The following OGDHL variants were observed in gnomAD, a reference collection of about 807,000 sequenced individuals.
The protein encoded by OGDHL is oxoglutarate dehydrogenase L.
In OGDHL, 79 loss-of-function variants were observed where a neutral mutation model predicts 109.6. The observed-to-expected ratio is 0.72, with a 90% CI of 0.60 to 0.87. OGDHL has a LOEUF of 0.87. Among genes scored for constraint, OGDHL ranks in the 40% least tolerant of loss-of-function variants. OGDHL has a pLI of 0.00. For synonymous variants in OGDHL, 528 were observed against 537.2 expected (o/e 0.98, Z 0.24); for missense variants, 1,275 against 1,362.2 (o/e 0.94, Z 1.01).
chr10:49,746,553 G>T (rs1260661740), intron 10 of OGDHL, among the ~76,000 whole-genome samples, 197 bp downstream of exon 10: 1 of 152,186 alleles, frequency 6.6e-6, no homozygotes. Context: ...GGTCCTTCCA[G>T]CCCTACTTAT....
At chr10:49,735,992 G>T in intron 22 of OGDHL, 31 bp downstream of exon 22, 1 of 1,541,352 alleles carries the variant, frequency 6.5e-7, no homozygotes, top group Non-Finnish European at 8.7e-7. Context: ...CAGGGCCGAG[G>T]TGAGGGGCAA....
intron 15 of OGDHL, among the ~76,000 whole-genome samples, chr10:49,742,395 C>T (rs200944530): frequency 1.4e-4 from 8 of 55,316 alleles, no homozygotes; most frequent in African/African-American, 1.8e-4. Flanking sequence ...CACACCCCCA[C>T]ACACACCACA....
intron 18 of OGDHL, 45 bp from the exon 19 acceptor site, chr10:49,738,117 C>T (rs1278485197): frequency 1.9e-6 from 3 of 1,613,958 alleles, no homozygotes; most frequent in South Asian, 1.1e-5. Flanking sequence ...GTCTGCTGCA[C>T]CCACACCCTG....
chr10:49,743,930 C>T, intron 14 of OGDHL, 64 bp downstream of exon 14: 2 of 1,572,702 alleles, frequency 1.3e-6, no homozygotes, highest in Non-Finnish European at 1.7e-6. Context: ...AACCAATCTC[C>T]CTTCGAGGCA....
chr10:49,750,965 C>G lies in OGDHL; in HGVS notation c.770G>C (p.Arg257Pro), dbSNP rs754809330. The G allele has an allele frequency of 1.2e-6, 2 of 1,606,328 alleles. No individual in the cohort carries two copies. The highest frequency in any genetic ancestry group is 1.7e-5 in the Admixed American group (1 of 59,544). Residue 257 changes from arginine (R) to proline (P), a missense_variant, in exon 7 of 23, where the codon CGG becomes CCG. By Grantham distance (103) the Arg-to-Pro change is moderately radical (BLOSUM62 -2). Coordinates refer to ENST00000374103, the MANE Select transcript of OGDHL (RefSeq NM_018245.3). ...AAACCGCTTCTCTGAGGACCATTTC[C>G]GGGCCAGGAAGTCTTCAAACCTGCT... ...RSMRFEDFLARKWSSEKRFGL... is the reference protein window; with the variant it reads ...RSMRFEDFLAPKWSSEKRFGL...
intron 1 of OGDHL, among the ~76,000 whole-genome samples, chr10:49,761,834 G>A (rs574739342): frequency 1.4e-4 from 22 of 152,322 alleles, no homozygotes; most frequent in African/African-American, 5.1e-4. Context: ...TTGGTAGTCC[G>A]AAGCTGCCTA....
chr10:49,760,603 T>C lies in OGDHL; in HGVS notation c.-2+1636A>G, dbSNP rs549729812. ...GATATCAAGACCATCGTCATGGGAA[T>C]AAACATAATAGGCACCGTCAGGAGC... On this transcript the variant is annotated intron_variant, in intron 1 of 22. Coordinates refer to ENST00000374103, the MANE Select transcript of OGDHL (RefSeq NM_018245.3). Among the ~76,000 whole-genome samples the C allele has an allele frequency of 4.6e-5, 7 of 152,358 alleles. No individual in the cohort carries two copies. The South Asian group carries it at 1.5e-3, about 32-fold the overall frequency.
intron 22 of OGDHL, 53 bp downstream of exon 22, chr10:49,735,970 A>T: frequency 6.6e-7 from 1 of 1,520,422 alleles, no homozygotes; most frequent in Non-Finnish European, 8.8e-7. Context: ...AGATGGAGCC[A>T]GGACAGAGCC....
At chr10:49,747,531 AC>A (rs1281833401) in intron 8 of OGDHL, among the ~76,000 whole-genome samples, 5 of 152,096 alleles carry the variant, frequency 3.3e-5, no homozygotes, top group Admixed American at 3.3e-4. Flanking sequence ...CAGCGCAGAG[AC>A]CCTCGGCCAG....
At chr10:49,745,690 C>G in intron 11 of OGDHL, 108 bp downstream of exon 11, 1 of 1,395,880 alleles carries the variant, frequency 7.2e-7, no homozygotes, top group Non-Finnish European at 9.8e-7. Flanking sequence ...ATCTCTCATC[C>G]AAGAAGCACT....
intron 10 of OGDHL, 93 bp downstream of exon 10, chr10:49,746,657 G>A: frequency 3.3e-6 from 5 of 1,521,074 alleles, no homozygotes; most frequent in East Asian, 2.3e-5. Flanking sequence ...AGTGGGCTCA[G>A]AGCCAGGAGC....
intron 1 of OGDHL, among the ~76,000 whole-genome samples, chr10:49,761,942 T>A (rs1843315363): frequency 6.6e-6 from 1 of 152,162 alleles, no homozygotes; most frequent in Non-Finnish European, 1.5e-5. Flanking sequence ...CGGGGCAGTC[T>A]GAAGTCCTCG....
Position 49,745,807 on chromosome 10 carries a change from GACA to G in OGDHL, c.1464_1466del (p.Val490del), listed in dbSNP as rs763696260. The stretch of plus-strand genomic sequence containing the variant: ...CAGTCCCCAGACCCACCAGGTCCAC[GACA>G]ACATCTTTGTTGAAAGTGTTTCTCC... On this transcript the variant is annotated inframe_deletion, in exon 11 of 23. Transcript: ENST00000374103. 3.1e-6 allele frequency: 5 copies of G among 1,614,044 alleles called. No individual in the cohort carries two copies. Among genetic ancestry groups the G allele is most frequent in the Non-Finnish European group, 4.2e-6 (5 of 1,179,964 alleles).
At chr10:49,756,453 T>C (rs903802610) in intron 3 of OGDHL, 2 of 211,184 alleles carry the variant, frequency 9.5e-6, no homozygotes, top group East Asian at 2.1e-4. Context: ...TAACAAGGGT[T>C]AATCTACTCA....
intron 13 of OGDHL, among the ~76,000 whole-genome samples, chr10:49,744,346 T>TA (rs1842022489): frequency 6.6e-6 from 1 of 152,080 alleles, no homozygotes; most frequent in Non-Finnish European, 1.5e-5. Context: ...ACAGCTCTTC[T>TA]AACCCTGCCC....
At position 49,740,243 on chromosome 10, in the gene OGDHL, T is replaced by C. The variant is rs563279117; in HGVS notation, c.2141-404A>G. Among the ~76,000 whole-genome samples the C allele has an allele frequency of 9.9e-4, 151 of 151,942 alleles. 1 individual carries two copies. The highest frequency in any genetic ancestry group is 3.5e-3 in the African/African-American group (147 of 41,448). ...AGTGAGGACGAGGTGAGCCAGCTAA[T>C]GATGCATCTGAGGGAGAGCATGCAC... On this transcript the variant is annotated intron_variant, in intron 16 of 22. Coordinates refer to ENST00000374103, the MANE Select transcript of OGDHL (RefSeq NM_018245.3).
rs1564542263 is a variant in OGDHL at position 49,747,047 on chromosome 10, T to C, written c.1149A>G (p.Gly383=). 8 of 1,613,976 alleles carry C rather than the reference T, an allele frequency of 5.0e-6. No homozygotes were observed. The highest frequency in any genetic ancestry group is 5.9e-6 in the Non-Finnish European group (7 of 1,179,970). ...GKTKAEQFYR[G]DAQGKKVMSI... Reference sequence around the variant, plus strand: ...AGCTCACCTTCTTGCCCTGGGCATCTCCACGGTAGAACTGCTCTGCCTTTG... The same window carrying C: ...AGCTCACCTTCTTGCCCTGGGCATCCCCACGGTAGAACTGCTCTGCCTTTG... Residue 383 remains glycine, a synonymous_variant, in exon 9 of 23, where the codon GGA becomes GGG. Coordinates refer to ENST00000374103, the MANE Select transcript of OGDHL (RefSeq NM_018245.3).
In OGDHL at chr10:49,746,723, G is replaced by C. The variant is rs754455902; in HGVS notation, c.1296+27C>G. ...ATTTCCAGGGATGCTGACGCTGTGA[G>C]GCCCAGCGTGGAGCCTACATGCTCA... On this transcript the variant is annotated intron_variant, in intron 10 of 22. Coordinates refer to ENST00000374103, the MANE Select transcript of OGDHL (RefSeq NM_018245.3). The C allele has an allele frequency of 1.6e-5, 25 of 1,610,188 alleles. No individual in the cohort carries two copies. The Admixed American group carries it at 4.0e-4, about 26-fold the overall frequency.
chr10:49,757,034 G>A, intron 2 of OGDHL, 88 bp from the exon 3 acceptor site: 5 of 1,393,554 alleles, frequency 3.6e-6, no homozygotes, highest in Non-Finnish European at 4.9e-6. Flanking sequence ...GGAGTGTCAG[G>A]TCTTCCTTGA....
Sources: gnomAD v4.1 joint callset for allele counts (sites outside exome capture counted in the v4.1 genomes callset) on GRCh38, gnomAD v4.1.1 for gene constraint, MANE v1.5 for transcripts, NCBI Gene and HGNC (gene_info 2026-07-23, HGNC 2026-07-21) for gene names.